The following LDLRAD4 variants were observed in gnomAD, a reference collection of about 807,000 sequenced individuals.
LDLRAD4 encodes low-density lipoprotein receptor class A domain-containing protein 4.
In LDLRAD4, 5 loss-of-function variants were observed where a neutral mutation model predicts 17.0. The observed-to-expected ratio is 0.29, with a 90% confidence interval of 0.15 to 0.62. The LOEUF is 0.62. LDLRAD4 is among the 20% of genes least tolerant of loss of function. The pLI, the probability that LDLRAD4 is intolerant of heterozygous loss-of-function variation, is 0.84. For missense variants in LDLRAD4, 340 were observed against 424.7 expected (o/e 0.80, Z 1.75); for synonymous variants, 168 against 171.8 (o/e 0.98, Z 0.17).
At chr18:13,350,937 C>G (rs757353825) in intron 1 of LDLRAD4, among the ~76,000 whole-genome samples, 1 of 151,968 alleles carries the variant, frequency 6.6e-6, no homozygotes, top group African/African-American at 2.4e-5. Context: ...AGCAGATAGT[C>G]GTAGATGTGT....
intron 3 of LDLRAD4, among the ~76,000 whole-genome samples, chr18:13,526,856 C>T (rs563960824): frequency 1.3e-5 from 2 of 152,276 alleles, no homozygotes; most frequent in Admixed American, 6.5e-5. Context: ...GTCCAAAGTC[C>T]TCCCCTCCTC....
intron 3 of LDLRAD4, chr18:13,521,788 A>G (rs1194252003): frequency 6.6e-6 from 1 of 151,460 alleles, no homozygotes; most frequent in Admixed American, 6.6e-5. Context: ...TGAGAATGAG[A>G]TATATGGAAA....
intron 3 of LDLRAD4, chr18:13,488,311 C>G (rs1341445701): frequency 3.3e-5 from 5 of 152,420 alleles, no homozygotes; most frequent in African/African-American, 9.6e-5. Flanking sequence ...CTGTGGGCCC[C>G]TCTGGGCCCT....
At chr18:13,342,958 G>A (rs2082460904) in intron 1 of LDLRAD4, among the ~76,000 whole-genome samples, 2 of 151,428 alleles carry the variant, frequency 1.3e-5, no homozygotes, top group Admixed American at 1.3e-4. Flanking sequence ...AGTGTTAAGT[G>A]GATTTTTCTG....
At chr18:13,634,885 T>TATAGA (rs2041954795) in intron 4 of LDLRAD4, among the ~76,000 whole-genome samples, 1 of 151,876 alleles carries the variant, frequency 6.6e-6, no homozygotes, top group Non-Finnish European at 1.5e-5. Context: ...TAGACAAATA[T>TATAGA]ATAGACCAGT....
intron 3 of LDLRAD4, among the ~76,000 whole-genome samples, chr18:13,541,948 T>C (rs1454184503): frequency 6.6e-6 from 1 of 152,122 alleles, no homozygotes; most frequent in Non-Finnish European, 1.5e-5. Flanking sequence ...TGGTGGTACA[T>C]GTCTATGGTC....
chr18:13,342,204 T>C (rs537857625), intron 1 of LDLRAD4, among the ~76,000 whole-genome samples: 96 of 152,236 alleles, frequency 6.3e-4, no homozygotes, highest in African/African-American at 2.2e-3. Flanking sequence ...TCTTTTCTTA[T>C]AATGTCTTGG....
intron 4 of LDLRAD4, among the ~76,000 whole-genome samples, chr18:13,639,736 G>GT (rs2042366225): frequency 1.3e-5 from 2 of 152,092 alleles, no homozygotes; most frequent in Admixed American, 6.5e-5. Flanking sequence ...TGAAAGGCCT[G>GT]GGAAAAAAAG....
intron 2 of LDLRAD4, chr18:13,427,606 C>T (rs1403186123): frequency 6.6e-6 from 1 of 152,258 alleles, no homozygotes; most frequent in Non-Finnish European, 1.5e-5. Context: ...CTCCAAAACA[C>T]ACAGTGTTGT....
chr18:13,627,912 C>T (rs1273302876), intron 4 of LDLRAD4, among the ~76,000 whole-genome samples: 1 of 152,212 alleles, frequency 6.6e-6, no homozygotes, highest in Non-Finnish European at 1.5e-5. Flanking sequence ...GCTCAGAACT[C>T]ACAGTGAGGG....
chr18:13,311,819 C>A (rs972022257), intron 1 of LDLRAD4, among the ~76,000 whole-genome samples: 2 of 149,882 alleles, frequency 1.3e-5, no homozygotes, highest in East Asian at 4.0e-4. Flanking sequence ...TCCCAAACAC[C>A]CTCAAATCTG....
At chr18:13,253,309 C>G (rs573058609) in intron 1 of LDLRAD4, among the ~76,000 whole-genome samples, 1 of 152,276 alleles carries the variant, frequency 6.6e-6, no homozygotes, top group East Asian at 1.9e-4. Flanking sequence ...GGTGGGGAAG[C>G]TGGGCGCCAC....
chr18:13,513,644 T>C (rs1220803320), intron 3 of LDLRAD4, among the ~76,000 whole-genome samples: 1 of 152,152 alleles, frequency 6.6e-6, no homozygotes, highest in Non-Finnish European at 1.5e-5. Context: ...TTTCAGAGCT[T>C]ATGCTGAATT....
intron 3 of LDLRAD4, among the ~76,000 whole-genome samples, chr18:13,559,951 G>A (rs2094523817): frequency 6.6e-6 from 1 of 152,134 alleles, no homozygotes; most frequent in African/African-American, 2.4e-5. Context: ...ATGTTGGTCT[G>A]CCGTTGCATA....
chr18:13,462,552 T>A (rs954129803), intron 3 of LDLRAD4, among the ~76,000 whole-genome samples: 1 of 152,226 alleles, frequency 6.6e-6, no homozygotes, highest in Non-Finnish European at 1.5e-5. Context: ...CAGTTGGAAC[T>A]AATTTTTTTG....
Position 13,327,633 on chromosome 18 carries a change from C to T in LDLRAD4, c.-383+49445C>T, listed in dbSNP as rs147751270. Among the ~76,000 whole-genome samples the T allele has an allele frequency of 2.9e-3, 441 of 151,728 alleles. 6 individuals carry two copies. The highest frequency in any genetic ancestry group is 2.9e-3 in the Non-Finnish European group (194 of 67,954). On this transcript the variant is annotated intron_variant, in intron 1 of 5. Transcript: ENST00000359446. The stretch of plus-strand genomic sequence containing the variant: ...TTAAATGGAAGTGGTACTTGATGGC[C>T]TAGCAGGATGAAACAAAGTTTGTTT...
exon 2 of LDLRAD4, chr18:13,387,609 C>T: frequency 1.0e-6 from 1 of 977,716 alleles, no homozygotes; most frequent in Non-Finnish European, 1.6e-6. Context: ...AGAGGCCGGC[C>T]CAGCAGAGCG....
intron 3 of LDLRAD4, among the ~76,000 whole-genome samples, chr18:13,475,377 T>A (rs1287692201): frequency 6.6e-6 from 1 of 151,528 alleles, no homozygotes; most frequent in African/African-American, 2.4e-5. Flanking sequence ...TCCTTGTGGC[T>A]CAGCCTCCAG....
chr18:13,481,378 G>A (rs1319191778), intron 3 of LDLRAD4, among the ~76,000 whole-genome samples: 2 of 152,174 alleles, frequency 1.3e-5, no homozygotes, highest in African/African-American at 2.4e-5. Flanking sequence ...GGACAGAAGG[G>A]GTGATTCAGG....
Sources: allele counts gnomAD v4.1 joint callset (sites outside exome capture counted in the v4.1 genomes callset), GRCh38; gene constraint gnomAD v4.1.1; transcripts MANE v1.5; gene names NCBI Gene and HGNC (gene_info 2026-07-23, HGNC 2026-07-21).